The following TMED3 variants were observed in gnomAD, a reference collection of about 807,000 sequenced individuals.
The protein encoded by TMED3 is transmembrane p24 trafficking protein 3.
A neutral mutation model predicts 15.0 loss-of-function variants in TMED3; 9 were observed. That is an observed-to-expected ratio of 0.60 (90% CI 0.36 to 1.04). The LOEUF (loss-of-function observed/expected upper bound fraction) is 1.04, where lower values mean the gene tolerates loss of function less well. TMED3 is among the 50% of genes least tolerant of loss of function. The pLI is 0.01. For missense variants in TMED3, 267 were observed against 278.9 expected, an observed-to-expected ratio of 0.96 and a Z score of 0.30; for synonymous variants, 117 against 121.4, an observed-to-expected ratio of 0.96 and a Z score of 0.24.
intron 2 of TMED3, among the ~76,000 whole-genome samples, chr15:79,368,785 C>G (rs1042364565): frequency 6.6e-6 from 1 of 151,866 alleles, no homozygotes; most frequent in Non-Finnish European, 1.5e-5. Context: ...CCTACTTAAC[C>G]CTTTAGAAAT....
At chr15:79,338,880 AAC>A (rs1222715520) in intron 2 of TMED3, among the ~76,000 whole-genome samples, 2 of 152,010 alleles carry the variant, frequency 1.3e-5, no homozygotes, top group Non-Finnish European at 2.9e-5. Context: ...GTCAAGGAAA[AAC>A]ACCCACTACT....
intron 2 of TMED3, among the ~76,000 whole-genome samples, chr15:79,390,736 T>G (rs1017202593): frequency 6.6e-6 from 1 of 151,926 alleles, no homozygotes; most frequent in African/African-American, 2.4e-5. Flanking sequence ...TTTTTAATTT[T>G]TAAGTTACCA....
intron 2 of TMED3, 51 bp from the exon 3 acceptor site, chr15:79,321,927 C>T: frequency 6.3e-7 from 1 of 1,586,446 alleles, no homozygotes; most frequent in Non-Finnish European, 8.6e-7. Flanking sequence ...TTGCTGGATC[C>T]CACATTTGTC....
downstream of TMED3, among the ~76,000 whole-genome samples, chr15:79,324,280 T>C (rs569247929): frequency 1.4e-4 from 21 of 152,330 alleles, no homozygotes; most frequent in African/African-American, 4.1e-4. Flanking sequence ...CGTGAGCCAC[T>C]GCACCCGGCC....
chr15:79,336,324 G>T (rs189717829), intron 2 of TMED3, among the ~76,000 whole-genome samples: 2 of 152,340 alleles, frequency 1.3e-5, no homozygotes, highest in Admixed American at 1.3e-4. Context: ...TGGCTGGCTA[G>T]TGGAGCTGGA....
intron 2 of TMED3, among the ~76,000 whole-genome samples, chr15:79,408,565 G>C (rs1184385513): frequency 1.3e-5 from 2 of 152,214 alleles, no homozygotes; most frequent in African/African-American, 4.8e-5. Context: ...ATGTGAGTGA[G>C]AGGAGGAAAG....
At chr15:79,323,378 A>G (rs1177039157), downstream of TMED3, among the ~76,000 whole-genome samples, 3 of 152,258 alleles carry the variant, frequency 2.0e-5, no homozygotes, top group Non-Finnish European at 4.4e-5. Context: ...TAATCTCTTT[A>G]AAAGGATACC....
At chr15:79,369,328 A>C (rs115281521) in intron 2 of TMED3, among the ~76,000 whole-genome samples, 260 of 152,278 alleles carry the variant, frequency 1.7e-3, no homozygotes, top group African/African-American at 5.5e-3. Flanking sequence ...GGTAGTTTTC[A>C]GCTTAGTCCT....
chr15:79,364,387 A>G (rs571659380), intron 2 of TMED3, among the ~76,000 whole-genome samples: 8 of 151,936 alleles, frequency 5.3e-5, no homozygotes, highest in Admixed American at 1.3e-4. Flanking sequence ...CTCTTTCTTT[A>G]CTGTCTGCCT....
intron 2 of TMED3, chr15:79,315,967 G>T (rs971042505): frequency 1.3e-5 from 2 of 152,394 alleles, no homozygotes; most frequent in African/African-American, 4.8e-5. Context: ...TCTTCCAGGA[G>T]TCAGGAAGGC....
intron 2 of TMED3, among the ~76,000 whole-genome samples, chr15:79,397,892 C>G (rs1367635351): frequency 1.3e-5 from 2 of 152,086 alleles, no homozygotes; most frequent in Non-Finnish European, 2.9e-5. Context: ...CCATATGCTC[C>G]CTCCCCACTA....
downstream of TMED3, among the ~76,000 whole-genome samples, chr15:79,327,659 A>G (rs2058792271): frequency 6.6e-6 from 1 of 152,256 alleles, no homozygotes; most frequent in Admixed American, 6.5e-5. Context: ...CGCACCCAAA[A>G]AAACACTACT....
intron 2 of TMED3, among the ~76,000 whole-genome samples, chr15:79,353,083 TA>T (rs2058899574): frequency 9.8e-6 from 1 of 101,828 alleles, no homozygotes; most frequent in African/African-American, 4.0e-5. Context: ...ATATTATATA[TA>T]AAATATAAAT....
rs540022371 is a variant in TMED3 at position 79,344,697 on chromosome 15, C to A, written c.417+30692C>A. Among the ~76,000 whole-genome samples the A allele has an allele frequency of 7.3e-4, 111 of 152,234 alleles. 2 individuals are homozygous for A. The highest frequency in any genetic ancestry group is 9.8e-4 in the Admixed American group (15 of 15,296). On this transcript the variant is annotated intron_variant, in intron 2 of 2. Coordinates refer to the TMED3 transcript ENST00000424155. ...CCAGGAAGACATGAATTTGGGGGAA[C>A]CTCATTCAACCCAGAGGGCCAGCAA...
chr15:79,348,504 G>A (rs1595895519), intron 2 of TMED3, among the ~76,000 whole-genome samples: 1 of 152,114 alleles, frequency 6.6e-6, no homozygotes, highest in African/African-American at 2.4e-5. Context: ...AGCAAACAAT[G>A]GTATATTTCA....
In TMED3 at chr15:79,322,110, G is replaced by A; in HGVS notation, c.550G>A (p.Val184Ile). 1.2e-6 allele frequency: 2 copies of A among 1,614,242 alleles called. No individual in the cohort carries two copies. Among genetic ancestry groups the A allele is most frequent in the Middle Eastern group, 1.6e-4 (1 of 6,062 alleles). Residue 184 changes from valine to isoleucine, a missense_variant, in exon 3 of 3, where the codon GTT (valine) becomes ATT (isoleucine). Around this residue, in one of 3 missense-constraint regions of TMED3, gnomAD observed 139 missense variants for 125.0 expected, o/e 1.11. Coordinates refer to ENST00000299705, the MANE Select transcript of TMED3 (RefSeq NM_007364.4). ...TAATAGCCGAGTCTCTTACTGGTCT[G>A]TTGGCGAGACGATTGCCCTGTTCGT... ...DLNSRVSYWS[V>I]GETIALFVVS...
At chr15:79,319,584 A>G (rs2058755594) in intron 2 of TMED3, among the ~76,000 whole-genome samples, 1 of 152,140 alleles carries the variant, frequency 6.6e-6, no homozygotes, top group African/African-American at 2.4e-5. Context: ...AAGACATAAG[A>G]CAAAGAGATT....
chr15:79,402,134 A>G (rs1451069825), intron 2 of TMED3, among the ~76,000 whole-genome samples: 2 of 152,172 alleles, frequency 1.3e-5, no homozygotes, highest in Non-Finnish European at 1.5e-5. Context: ...GATCAAGAAT[A>G]CATTCTGGAG....
chr15:79,334,515 G>A (rs1161637056), intron 2 of TMED3, among the ~76,000 whole-genome samples: 5 of 152,000 alleles, frequency 3.3e-5, no homozygotes, highest in Non-Finnish European at 7.4e-5. Flanking sequence ...AGGAAGGGTC[G>A]GGGGGAGCTT....
Sources: allele counts gnomAD v4.1 joint callset (sites outside exome capture counted in the v4.1 genomes callset), GRCh38; gene constraint gnomAD v4.1.1; regional missense constraint gnomAD v4.1.1; transcripts MANE v1.5; gene names NCBI Gene and HGNC (gene_info 2026-07-23, HGNC 2026-07-21).